The following GCNA variants were observed in gnomAD, a reference collection of about 807,000 sequenced individuals.
The protein encoded by GCNA is germ cell nuclear acidic protein.
Under a neutral mutation model 38.8 loss-of-function variants are expected in GCNA, and 3 were observed. The observed-to-expected ratio is 0.08, with a 90% CI of 0.04 to 0.20. GCNA has a LOEUF of 0.20. Ranked by LOEUF, GCNA falls within the 10% of genes least tolerant of loss-of-function variation. GCNA has a pLI of 1.00. For missense variants in GCNA, 446 were observed against 578.6 expected (o/e 0.77, Z 2.35); for synonymous variants, 195 against 240.2 (o/e 0.81, Z 1.74).
intron 2 of GCNA, among the ~76,000 whole-genome samples, chrX:71,581,889 C>G (rs1388100395): frequency 9.2e-6 from 1 of 108,690 alleles, no homozygotes; most frequent in Admixed American, 9.9e-5. Flanking sequence ...TTTTCCTTAA[C>G]AAAAAGCTTT....
In GCNA at chrX:71,608,975, C is replaced by G. The variant is rs780549389; in HGVS notation, c.1469C>G (p.Thr490Ser). ...CTCAGTTGAATTTATCTTTGCAGGA[C>G]TCCTAAATGCAAAGTCCCTGGATGT... ...AAKVEKRKTR[T>S]PKCKVPGCFL... The change falls in exon 10 of 13, where the codon ACT becomes AGT. Residue 490 changes from threonine to serine, a missense_variant and splice_region_variant. Thr to Ser is a moderately conservative substitution (Grantham distance 58). Around this residue, in one of 7 missense-constraint regions of GCNA, gnomAD observed 160 missense variants for 165.2 expected, o/e 0.97. Coordinates refer to ENST00000373696, the MANE Select transcript of GCNA (RefSeq NM_052957.5). 3 of 1,208,085 alleles carry G rather than the reference C, an allele frequency of 2.5e-6. No individual in the cohort carries two copies. The South Asian group carries it at 5.3e-5, about 21-fold the overall frequency.
At chrX:71,580,993 TTTG>T (rs2040542795) in intron 2 of GCNA, 113 bp downstream of exon 2, 3 of 746,234 alleles carry the variant, frequency 4.0e-6, no homozygotes, top group Non-Finnish European at 5.7e-6. Flanking sequence ...TATAACTTGG[TTTG>T]TTATAAAATG....
chrX:71,600,085 T>G (rs1474031023), intron 7 of GCNA, among the ~76,000 whole-genome samples: 1 of 112,032 alleles, frequency 8.9e-6, no homozygotes, highest in Non-Finnish European at 1.9e-5. Flanking sequence ...AGCTAGAACT[T>G]GAGCTCCAAA....
intron 4 of GCNA, among the ~76,000 whole-genome samples, chrX:71,593,954 A>G (rs754618035): frequency 6.5e-4 from 72 of 111,510 alleles, no homozygotes; most frequent in African/African-American, 1.6e-3. Flanking sequence ...GGGCTCAAGC[A>G]ATCCTCCCTG....
intron 9 of GCNA, among the ~76,000 whole-genome samples, chrX:71,606,392 C>T (rs753821679): frequency 8.9e-6 from 1 of 112,281 alleles, no homozygotes; most frequent in Non-Finnish European, 1.9e-5. Flanking sequence ...AGACCAAAGA[C>T]ATGTTAATAC....
chrX:71,578,954 G>A (rs1214793220), intron 1 of GCNA, among the ~76,000 whole-genome samples: 1 of 108,095 alleles, frequency 9.3e-6, no homozygotes, highest in African/African-American at 3.4e-5. Flanking sequence ...GGGGAAGTGG[G>A]GGTGCCTGTG....
intron 6 of GCNA, among the ~76,000 whole-genome samples, chrX:71,597,523 C>T (rs1569438658): frequency 9.0e-6 from 1 of 110,995 alleles, no homozygotes; most frequent in East Asian, 2.8e-4. Flanking sequence ...CAGAGAGTAG[C>T]ACTGAAGAGA....
chrX:71,579,949 G>A (rs2040533385), intron 1 of GCNA, among the ~76,000 whole-genome samples: 2 of 107,260 alleles, frequency 1.9e-5, no homozygotes, highest in Non-Finnish European at 3.9e-5. Context: ...CGTGGAGGGG[G>A]TGGCCGGATT....
intron 2 of GCNA, among the ~76,000 whole-genome samples, chrX:71,583,014 G>A (rs1244314197): frequency 1.8e-5 from 2 of 112,038 alleles, no homozygotes; most frequent in Non-Finnish European, 3.8e-5. Flanking sequence ...ATAAATTAGG[G>A]TTCATTGCAA....
At chrX:71,611,924 G>C (rs1162522424) in intron 11 of GCNA, among the ~76,000 whole-genome samples, 1 of 110,918 alleles carries the variant, frequency 9.0e-6, no homozygotes, top group Non-Finnish European at 1.9e-5. Flanking sequence ...GCTTCTTTAA[G>C]ATAGCCTTGT....
chrX:71,579,287 A>C (rs111633321), intron 1 of GCNA, among the ~76,000 whole-genome samples: 66 of 89,935 alleles, frequency 7.3e-4, no homozygotes, highest in African/African-American at 2.5e-3. Context: ...TGGGGGTGCC[A>C]GTTGCGGCCT....
At chrX:71,585,271 G>A (rs943156318) in intron 2 of GCNA, among the ~76,000 whole-genome samples, 1 of 109,479 alleles carries the variant, frequency 9.1e-6, no homozygotes, top group Non-Finnish European at 1.9e-5. Flanking sequence ...TTGAGATCGC[G>A]CCATTGCACT....
intron 6 of GCNA, among the ~76,000 whole-genome samples, chrX:71,597,646 T>G (rs1420054975): frequency 8.9e-6 from 1 of 112,389 alleles, no homozygotes; most frequent in East Asian, 2.8e-4. Context: ...ATTTTACCAC[T>G]GTGCCAAAAC....
At position 71,593,522 on chromosome X, in the gene GCNA, A is replaced by G. The variant is rs1045800583; in HGVS notation, c.141-809A>G. On this transcript the variant is annotated intron_variant, in intron 4 of 12. Transcript: ENST00000373696. The stretch of plus-strand genomic sequence containing the variant: ...ACTCTCGTAAGTGATAGCAAGAGGC[A>G]AAGTAGCCTGCCACAGAGCAGCAGA... 2.6e-4 allele frequency among the ~76,000 whole-genome samples: 29 copies of G among 110,751 alleles called. 1 individual carries two copies. In the Admixed American group the frequency reaches 2.8e-3, roughly 11 times the overall value.
At chrX:71,597,835 G>A in intron 6 of GCNA, 115 bp from the exon 7 acceptor site, 1 of 517,613 alleles carries the variant, frequency 1.9e-6, no homozygotes, top group Non-Finnish European at 3.3e-6. Context: ...CAGAGTTACT[G>A]TGGGAAACAA....
At chrX:71,581,166 T>A (rs999203467) in intron 2 of GCNA, among the ~76,000 whole-genome samples, 2 of 112,348 alleles carry the variant, frequency 1.8e-5, no homozygotes, top group Admixed American at 1.9e-4. Context: ...TTCATTCTGA[T>A]GCAATTAAAA....
intron 4 of GCNA, among the ~76,000 whole-genome samples, chrX:71,593,368 A>G (rs1405171974): frequency 9.0e-6 from 1 of 111,581 alleles, no homozygotes; most frequent in Non-Finnish European, 1.9e-5. Context: ...AGTGGTGCTC[A>G]CTGCGGTGTG....
intron 9 of GCNA, among the ~76,000 whole-genome samples, chrX:71,606,891 C>T (rs2070042814): frequency 8.9e-6 from 1 of 112,185 alleles, no homozygotes; most frequent in South Asian, 3.7e-4. Flanking sequence ...CCCTTGGTGT[C>T]ATTGTCAGTC....
intron 9 of GCNA, among the ~76,000 whole-genome samples, chrX:71,608,455 G>A (rs1005655361): frequency 2.4e-4 from 27 of 111,055 alleles, no homozygotes; most frequent in Admixed American, 4.8e-4. Context: ...TGTATTTTTA[G>A]TAGAGACAGG....
Sources: gnomAD v4.1 joint callset for allele counts (sites outside exome capture counted in the v4.1 genomes callset) on GRCh38, gnomAD v4.1.1 for gene constraint, gnomAD v4.1.1 regional missense constraint, MANE v1.5 for transcripts, NCBI Gene and HGNC (gene_info 2026-07-23, HGNC 2026-07-21) for gene names.